The following SLAIN1 variants were observed in gnomAD, a reference collection of about 807,000 sequenced individuals.
The protein encoded by SLAIN1 is SLAIN family member 1, also known as SLAIN motif-containing protein 1.
Under a neutral mutation model 55.4 loss-of-function variants are expected in SLAIN1, and 17 were observed. That is an observed-to-expected ratio of 0.31 (90% confidence interval 0.21 to 0.46). The LOEUF (loss-of-function observed/expected upper bound fraction) is 0.46. Among genes scored for constraint, SLAIN1 ranks in the 20% least tolerant of loss-of-function variants. The probability of loss-of-function intolerance (pLI) is 1.00; values close to 1 mark genes in which losing one functional copy is unlikely to be tolerated. For missense variants in SLAIN1, 682 were observed against 785.1 expected (o/e 0.87, Z 1.57); for synonymous variants, 348 against 337.4 (o/e 1.03, Z -0.35).
At chr13:77,751,666 G>A (rs1874220094) in intron 4 of SLAIN1, among the ~76,000 whole-genome samples, 2 of 152,216 alleles carry the variant, frequency 1.3e-5, no homozygotes, top group African/African-American at 4.8e-5. Flanking sequence ...GAGAGGCCAG[G>A]CTGGAGAAGT....
At chr13:77,749,240 C>T (rs901014223) in intron 4 of SLAIN1, among the ~76,000 whole-genome samples, 1 of 152,062 alleles carries the variant, frequency 6.6e-6, no homozygotes, top group East Asian at 1.9e-4. Context: ...TTTTGTAGTT[C>T]CTACACTGCC....
intron 1 of SLAIN1, among the ~76,000 whole-genome samples, chr13:77,711,146 C>A (rs552073314): frequency 6.6e-6 from 1 of 152,188 alleles, no homozygotes; most frequent in South Asian, 2.1e-4. Flanking sequence ...CTCAGATCAA[C>A]ACCCTAATAT....
chr13:77,748,081 AT>A (rs1318914863), intron 4 of SLAIN1, among the ~76,000 whole-genome samples: 3 of 152,148 alleles, frequency 2.0e-5, no homozygotes, highest in Admixed American at 1.3e-4. Flanking sequence ...CTTTAAAAAT[AT>A]TTATAGGCCA....
chr13:77,702,557 A>G (rs1419204740), intron 1 of SLAIN1, among the ~76,000 whole-genome samples: 1 of 152,140 alleles, frequency 6.6e-6, no homozygotes, highest in East Asian at 1.9e-4. Context: ...CTAACTGCAT[A>G]CTAGACCTTC....
rs1425197946 is a variant in SLAIN1 at position 77,713,703 on chromosome 13, T to C, written c.627-5829T>C. ...CCCAAAGGATTATAAATCATTCTAC[T>C]ATAAAGACACATGCACACGTATGTT... On this transcript the variant is annotated intron_variant, in intron 1 of 6. Transcript: ENST00000418532. Among the ~76,000 whole-genome samples, 4 of 152,168 alleles carry C rather than the reference T, an allele frequency of 2.6e-5. No homozygotes were observed. The East Asian group carries it at 7.7e-4, about 29-fold the overall frequency.
At chr13:77,730,687 G>C (rs143707634) in intron 2 of SLAIN1, among the ~76,000 whole-genome samples, 97 of 152,186 alleles carry the variant, frequency 6.4e-4, no homozygotes, top group African/African-American at 2.2e-3. Flanking sequence ...ATAGTTGTAA[G>C]GTTGTATTTC....
intron 1 of SLAIN1, among the ~76,000 whole-genome samples, chr13:77,710,144 G>T (rs543858840): frequency 6.6e-6 from 1 of 152,122 alleles, no homozygotes; most frequent in African/African-American, 2.4e-5. Flanking sequence ...GTAAAGACCA[G>T]TGATACTATG....
At chr13:77,716,953 G>A (rs78770258) in intron 1 of SLAIN1, among the ~76,000 whole-genome samples, 6,378 of 152,218 alleles carry the variant, frequency 0.042, 218 homozygotes, top group Middle Eastern at 0.065. Flanking sequence ...GATATCACAG[G>A]CAAAGCATTC....
At chr13:77,756,626 A>C (rs1168533578) in intron 5 of SLAIN1, among the ~76,000 whole-genome samples, 3 of 152,142 alleles carry the variant, frequency 2.0e-5, no homozygotes, top group African/African-American at 7.2e-5. Context: ...ATGATCACCA[A>C]AACATGTTCA....
At chr13:77,762,466 G>T (rs1354228968) in intron 6 of SLAIN1, among the ~76,000 whole-genome samples, 1 of 152,092 alleles carries the variant, frequency 6.6e-6, no homozygotes, top group East Asian at 1.9e-4. Flanking sequence ...AGGCTGGAGT[G>T]CAGTGTTATG....
chr13:77,701,961 C>T, intron 1 of SLAIN1, among the ~76,000 whole-genome samples: 1 of 136,568 alleles, frequency 7.3e-6, no homozygotes, highest in Non-Finnish European at 1.5e-5. Flanking sequence ...TATTCCCCTT[C>T]CTGTGTCCAT....
At chr13:77,757,635 C>G (rs1874698474) in intron 5 of SLAIN1, among the ~76,000 whole-genome samples, 1 of 152,080 alleles carries the variant, frequency 6.6e-6, no homozygotes, top group South Asian at 2.1e-4. Context: ...ATTCTTATGC[C>G]TTTACATCCT....
At position 77,752,288 on chromosome 13, in the gene SLAIN1, C is replaced by CTT. The variant is rs79381085; in HGVS notation, c.1259-898_1259-897dup. The stretch of plus-strand genomic sequence containing the variant: ...TGTTGGTTTTGATTCTTCTAGGGTT[C>CTT]TTTTTTTTTTTTTTTTTTAAGAAGC... On this transcript the variant is annotated intron_variant, in intron 4 of 6. Coordinates refer to ENST00000418532, the MANE Select transcript of SLAIN1 (RefSeq NM_001242868.2). Among the ~76,000 whole-genome samples, 325 of 94,212 alleles carry CTT rather than the reference C, an allele frequency of 3.4e-3. 2 individuals are homozygous for CTT. Among genetic ancestry groups the CTT allele is most frequent in the African/African-American group, 6.1e-3 (159 of 26,176 alleles). 61.8% of individuals were successfully genotyped at this position (94,212 alleles called of 152,430 possible).
At chr13:77,713,236 T>C (rs1300708170) in intron 1 of SLAIN1, among the ~76,000 whole-genome samples, 1 of 151,050 alleles carries the variant, frequency 6.6e-6, no homozygotes, top group African/African-American at 2.4e-5. Flanking sequence ...AAAGAGCTTA[T>C]GCAGCCTACT....
At chr13:77,713,907 C>G (rs561969475) in intron 1 of SLAIN1, among the ~76,000 whole-genome samples, 1 of 151,774 alleles carries the variant, frequency 6.6e-6, no homozygotes, top group Non-Finnish European at 1.5e-5. Flanking sequence ...TCATTCTCAG[C>G]AAACTAACAC....
chr13:77,709,531 G>A lies in SLAIN1; in HGVS notation c.627-10001G>A, dbSNP rs1304875757. 3.3e-5 allele frequency among the ~76,000 whole-genome samples: 5 copies of A among 152,230 alleles called. No homozygotes were observed. The East Asian group carries it at 9.6e-4, about 29-fold the overall frequency. On this transcript the variant is annotated intron_variant, in intron 1 of 6. Transcript: ENST00000418532. The stretch of plus-strand genomic sequence containing the variant: ...AAAGAGGAATTACCCACAAAGGGAA[G>A]CCCATTAGACTAACAGCGGATCTCT...
chr13:77,698,006 G>A lies in SLAIN1; in HGVS notation c.93G>A (p.Lys31=). The change falls in exon 1 of 7, where the codon AAG becomes AAA. Residue 31 remains lysine (K), a synonymous_variant. Transcript: ENST00000418532. The surrounding 1 kb of genome is among the most constrained non-coding windows in gnomAD (Gnocchi z 4.1). The part of the protein sequence containing the change: ...PVVNAELEVK[K]LQELVRKLEK... The stretch of plus-strand genomic sequence containing the variant: ...TGAACGCGGAGCTGGAGGTGAAGAA[G>A]CTGCAGGAGCTGGTGCGCAAGCTGG... The A allele has an allele frequency of 7.0e-7, 1 of 1,435,986 alleles. No individual in the cohort carries two copies. Among genetic ancestry groups the A allele is most frequent in the Non-Finnish European group, 9.2e-7 (1 of 1,083,950 alleles). 89.0% of individuals were successfully genotyped at this position (1,435,986 alleles called of 1,614,324 possible).
chr13:77,729,835 A>G (rs2154409973), intron 2 of SLAIN1, among the ~76,000 whole-genome samples: 1 of 152,286 alleles, frequency 6.6e-6, no homozygotes, highest in East Asian at 1.9e-4. Flanking sequence ...TGATCAGAAA[A>G]TGATTTCCCA....
intron 5 of SLAIN1, among the ~76,000 whole-genome samples, chr13:77,756,606 A>G (rs1414325008): frequency 1.3e-5 from 2 of 152,158 alleles, no homozygotes; most frequent in Non-Finnish European, 2.9e-5. Flanking sequence ...ACCCAACATA[A>G]TGAGTGCATA....
Sources: allele counts gnomAD v4.1 joint callset (sites outside exome capture counted in the v4.1 genomes callset), GRCh38; gene constraint gnomAD v4.1.1; non-coding constraint Gnocchi (gnomAD v3.1); transcripts MANE v1.5; gene names NCBI Gene and HGNC (gene_info 2026-07-23, HGNC 2026-07-21).